FAM114A2: variants seen among roughly 807,000 people sequenced by gnomAD.
FAM114A2 encodes the protein family with sequence similarity 114 member A2.
In FAM114A2, 53 loss-of-function variants were observed where a neutral mutation model predicts 58.4. The observed-to-expected ratio is 0.91, with a 90% confidence interval of 0.73 to 1.14. FAM114A2 has a LOEUF of 1.14. FAM114A2 is among the 50% of genes most tolerant of loss of function. The probability of loss-of-function intolerance (pLI) is 0.00; values close to 1 mark genes in which losing one functional copy is unlikely to be tolerated. For synonymous variants in FAM114A2, 228 were observed against 211.4 expected (o/e 1.08, Z -0.68); for missense variants, 601 against 581.1 (o/e 1.03, Z -0.35).
chr5:153,999,911 T>C (rs529542418), intron 11 of FAM114A2, among the ~76,000 whole-genome samples: 1 of 151,918 alleles, frequency 6.6e-6, no homozygotes, highest in African/African-American at 2.4e-5. Flanking sequence ...ATAAAGAAAA[T>C]GTGGTGTGTA....
At chr5:153,999,941 GTATGTGTGTGTATATA>G (rs1162220725) in intron 11 of FAM114A2, among the ~76,000 whole-genome samples, 172 of 152,132 alleles carry the variant, frequency 1.1e-3, no homozygotes, top group African/African-American at 3.6e-3. Context: ...GTGTATATAT[GTATGTGTGTGTATATA>G]TATGTGTGTG....
chr5:154,031,078 G>A (rs776227994), intron 4 of FAM114A2, among the ~76,000 whole-genome samples: 28 of 151,898 alleles, frequency 1.8e-4, no homozygotes, highest in African/African-American at 6.5e-4. Context: ...TTGGGAGGCC[G>A]AGGCAAGAGG....
intron 8 of FAM114A2, among the ~76,000 whole-genome samples, chr5:154,015,164 C>T (rs1770955842): frequency 6.6e-6 from 1 of 152,146 alleles, no homozygotes; most frequent in Non-Finnish European, 1.5e-5. Flanking sequence ...AGTCTGAGCT[C>T]AGACACACCT....
intron 12 of FAM114A2, among the ~76,000 whole-genome samples, chr5:153,996,729 G>C (rs1769582304): frequency 7.0e-6 from 1 of 143,488 alleles, no homozygotes; most frequent in Non-Finnish European, 1.5e-5. Flanking sequence ...GGGCACGGTG[G>C]CTCATGCCTG....
chr5:154,017,169 G>A (rs1170088023), intron 8 of FAM114A2, among the ~76,000 whole-genome samples: 1 of 152,228 alleles, frequency 6.6e-6, no homozygotes, highest in African/African-American at 2.4e-5. Flanking sequence ...TAGGCTGGGT[G>A]CAGTGGCTCA....
chr5:154,003,576 G>A (rs558440194), intron 9 of FAM114A2, among the ~76,000 whole-genome samples: 1 of 152,152 alleles, frequency 6.6e-6, no homozygotes, highest in South Asian at 2.1e-4. Flanking sequence ...ATATGCCTAC[G>A]AAACCGTGAT....
chr5:154,034,097 G>A (rs1230318914), intron 3 of FAM114A2, among the ~76,000 whole-genome samples, 181 bp downstream of exon 3: 2 of 152,228 alleles, frequency 1.3e-5, no homozygotes, highest in East Asian at 3.9e-4. Flanking sequence ...ATATTCTAAT[G>A]AGGAAATGCT....
chr5:154,018,752 CAT>C (rs1230137940), intron 8 of FAM114A2, among the ~76,000 whole-genome samples: 2 of 152,132 alleles, frequency 1.3e-5, no homozygotes, highest in Non-Finnish European at 2.9e-5. Context: ...GATGGTTTAA[CAT>C]ATGAAAGGCA....
At chr5:154,027,125 C>A (rs1261520841) in intron 7 of FAM114A2, 51 bp downstream of exon 7, 2 of 1,443,718 alleles carry the variant, frequency 1.4e-6, no homozygotes, top group South Asian at 1.3e-5. Flanking sequence ...AACCATGCAG[C>A]ATTCTTTTAC....
chr5:153,997,845 G>T lies in FAM114A2; in HGVS notation c.1287C>A (p.Ser429=). The change falls in exon 12 of 14, where the codon TCC becomes TCA. Residue 429 remains serine, a synonymous_variant. Transcript: ENST00000351797. ...AGGTAGTGAACTCTTTAGACAGAGA[G>T]GACAACTCTTTACACAACACAATTG... is the stretch of plus-strand genomic sequence containing the variant. ...QMTIVLCKEL[S]SLSKEFTTCL... is the part of the protein sequence containing the mutation. 1 of 1,604,894 alleles carries T rather than the reference G, an allele frequency of 6.2e-7. No homozygotes were observed. The highest frequency in any genetic ancestry group is 8.5e-7 in the Non-Finnish European group (1 of 1,172,052).
rs144353064 is a variant in FAM114A2, at chr5:154,027,689, C to T, written c.631-355G>A. 961 of 196,410 alleles carry T rather than the reference C, an allele frequency of 4.9e-3. 8 individuals carry two copies. The highest frequency in any genetic ancestry group is 0.015 in the Middle Eastern group (7 of 454). The allele number at this position is 196,410 out of a possible 1,614,324, so 12.2% of individuals were successfully genotyped here. On this transcript the variant is annotated intron_variant, in intron 6 of 13. Transcript: ENST00000351797. ...CTAATTTTGGTATTTTTAGAAGAGA[C>T]GGGGTTTCATCATGTTGGTCAGGTT...
intron 2 of FAM114A2, 142 bp downstream of exon 2, chr5:154,034,602 A>G (rs1296586683): frequency 1.4e-6 from 1 of 701,614 alleles, no homozygotes; most frequent in Non-Finnish European, 2.4e-6. Flanking sequence ...TATAGAACTG[A>G]AAAGACTGTA....
intron 5 of FAM114A2, among the ~76,000 whole-genome samples, chr5:154,028,573 T>C (rs1771962972): frequency 1.3e-5 from 2 of 152,160 alleles, no homozygotes; most frequent in African/African-American, 2.4e-5. Context: ...CACAAAAATG[T>C]TCATAACAGC....
At chr5:154,027,389 G>A in intron 6 of FAM114A2, 55 bp from the exon 7 acceptor site, 1 of 1,484,442 alleles carries the variant, frequency 6.7e-7, no homozygotes, top group African/African-American at 1.4e-5. Context: ...TCAAGGGTGA[G>A]TTCTGAGAAT....
intron 13 of FAM114A2, among the ~76,000 whole-genome samples, chr5:153,994,139 G>A (rs965578630): frequency 1.3e-5 from 2 of 152,114 alleles, no homozygotes; most frequent in Non-Finnish European, 2.9e-5. Context: ...TTAAAACTGT[G>A]TAATTAAAGA....
intron 3 of FAM114A2, 54 bp from the exon 4 acceptor site, chr5:154,033,937 C>CA: frequency 1.8e-6 from 2 of 1,107,738 alleles, no homozygotes; most frequent in Non-Finnish European, 2.7e-6. Context: ...ACTGAAGAAA[C>CA]AAAAATCAAA....
At chr5:154,027,416 T>C (rs1421578694) in intron 6 of FAM114A2, 82 bp from the exon 7 acceptor site, 7 of 1,233,072 alleles carry the variant, frequency 5.7e-6, no homozygotes, top group Non-Finnish European at 7.9e-6. Flanking sequence ...AAGCAAAGCT[T>C]AGACAGGTTA....
chr5:154,003,178 T>C (rs555490), intron 9 of FAM114A2, among the ~76,000 whole-genome samples: 84,051 of 142,256 alleles, frequency 0.59, 24,740 homozygotes, highest in East Asian at 0.75. Context: ...TAATTGGTAG[T>C]ATTTTTTTTT....
chr5:154,002,200 A>C, intron 11 of FAM114A2, 51 bp downstream of exon 11: 1 of 1,579,586 alleles, frequency 6.3e-7, no homozygotes, highest in Non-Finnish European at 8.7e-7. Context: ...GAAACAGGCC[A>C]AGAAAACTCC....
Sources: allele counts gnomAD v4.1 joint callset (sites outside exome capture counted in the v4.1 genomes callset), GRCh38; gene constraint gnomAD v4.1.1; transcripts MANE v1.5; gene names NCBI Gene and HGNC (gene_info 2026-07-23, HGNC 2026-07-21).